Variants in ELAPOR2 observed in about 807,000 individuals in gnomAD.
ELAPOR2 encodes the protein endosome-lysosome associated apoptosis and autophagy regulator family member 2.
A neutral mutation model predicts 120.7 loss-of-function variants in ELAPOR2; 89 were observed. That is an observed-to-expected ratio of 0.74 (90% CI 0.62 to 0.88). ELAPOR2 has a LOEUF of 0.88. Ranked by LOEUF, ELAPOR2 falls within the 40% of genes least tolerant of loss-of-function variation. The probability of loss-of-function intolerance (pLI) is 0.00; values close to 1 mark genes in which losing one functional copy is unlikely to be tolerated. For synonymous variants in ELAPOR2, 444 were observed against 444.9 expected, an observed-to-expected ratio of 1.00 and a Z score of 0.03; for missense variants, 1,134 against 1,251.6, an observed-to-expected ratio of 0.91 and a Z score of 1.42.
intron 8 of ELAPOR2, among the ~76,000 whole-genome samples, chr7:86,937,696 C>A (rs2116316403): frequency 6.6e-6 from 1 of 152,160 alleles, no homozygotes; most frequent in East Asian, 1.9e-4. Flanking sequence ...AAGAACTTTC[C>A]ATCCTGTGAG....
chr7:86,983,263 T>G (rs1039199042), intron 1 of ELAPOR2, among the ~76,000 whole-genome samples: 7 of 152,158 alleles, frequency 4.6e-5, no homozygotes, highest in East Asian at 1.9e-4. Flanking sequence ...AAAACACTCT[T>G]CAGGATATTA....
intron 2 of ELAPOR2, among the ~76,000 whole-genome samples, chr7:86,964,640 C>T (rs1488978109): frequency 1.3e-5 from 2 of 151,948 alleles, no homozygotes; most frequent in African/African-American, 2.4e-5. Context: ...GAAACTTTGC[C>T]ACTCTGCCCT....
rs772878017 is a variant in ELAPOR2 at position 86,905,122 on chromosome 7, GGAAGGAAA to G, written c.2558+2540_2558+2547del. ...AGGAAGGAAGGAAGGAAGGAAGGAA[GGAAGGAAA>G]GAAAGAAAAGAAAAGAAAGAAGAGA... On this transcript the variant is annotated intron_variant, in intron 18 of 21. Transcript: ENST00000450689. 6.2e-4 allele frequency among the ~76,000 whole-genome samples: 71 copies of G among 115,360 alleles called. 1 individual carries two copies. Among genetic ancestry groups the G allele is most frequent in the Middle Eastern group, 0.01 (2 of 198 alleles). 75.7% of individuals were successfully genotyped at this position (115,360 alleles called of 152,430 possible). A position where few individuals can be genotyped will look rare whatever the true frequency, so the allele number is the denominator to read the frequency against.
chr7:86,883,097 T>C (rs2115735076), intron 21 of ELAPOR2, among the ~76,000 whole-genome samples: 1 of 151,956 alleles, frequency 6.6e-6, no homozygotes, highest in South Asian at 2.1e-4. Flanking sequence ...TTCTAGTTGG[T>C]GTCTGAGTTG....
intron 1 of ELAPOR2, among the ~76,000 whole-genome samples, chr7:87,010,141 A>G (rs1793608683): frequency 6.6e-6 from 1 of 152,226 alleles, no homozygotes; most frequent in Non-Finnish European, 1.5e-5. Context: ...GCTTCAGTCT[A>G]CAACTGATTA....
At chr7:86,989,984 A>G (rs1420774306) in intron 1 of ELAPOR2, among the ~76,000 whole-genome samples, 1 of 152,054 alleles carries the variant, frequency 6.6e-6, no homozygotes, top group Non-Finnish European at 1.5e-5. Context: ...CCACTGTGAC[A>G]GTATTGAGAG....
intron 1 of ELAPOR2, among the ~76,000 whole-genome samples, chr7:87,034,211 GTGTAGCAGCTTGGATTCACAAGT>G (rs1794510163): frequency 6.6e-6 from 1 of 152,112 alleles, no homozygotes; most frequent in African/African-American, 2.4e-5. Flanking sequence ...ATGGGCCCTG[GTGTAGCAGCTTGGATTCACAAGT>G]AACTTAAACA....
intron 1 of ELAPOR2, among the ~76,000 whole-genome samples, chr7:87,043,283 C>G (rs1215111625): frequency 6.6e-6 from 1 of 151,478 alleles, no homozygotes; most frequent in Admixed American, 6.6e-5. Context: ...CATTCTGATA[C>G]CAAAGTCAGG....
intron 1 of ELAPOR2, among the ~76,000 whole-genome samples, chr7:87,038,669 C>T (rs190839692): frequency 2.6e-5 from 4 of 152,040 alleles, no homozygotes; most frequent in Non-Finnish European, 5.9e-5. Flanking sequence ...GAAAATTAAA[C>T]AATATGCTCC....
chr7:86,994,511 T>A (rs1793059185), intron 1 of ELAPOR2, among the ~76,000 whole-genome samples: 1 of 152,198 alleles, frequency 6.6e-6, no homozygotes, highest in Admixed American at 6.5e-5. Context: ...TTTTAAAAAC[T>A]GAGTTGGTTA....
chr7:86,932,210 G>T (rs1337385022), intron 8 of ELAPOR2, among the ~76,000 whole-genome samples: 1 of 151,934 alleles, frequency 6.6e-6, no homozygotes, highest in Admixed American at 6.6e-5. Context: ...ACACCGGAAA[G>T]GGCTTGCCTG....
chr7:87,023,092 G>T (rs998582065), intron 1 of ELAPOR2, among the ~76,000 whole-genome samples: 15 of 152,094 alleles, frequency 9.9e-5, no homozygotes, highest in Middle Eastern at 6.8e-3. Flanking sequence ...GTCAATTTTG[G>T]CTTTTGTTGC....
intron 18 of ELAPOR2, among the ~76,000 whole-genome samples, chr7:86,897,930 T>C (rs941655286): frequency 2.3e-4 from 35 of 152,200 alleles, no homozygotes; most frequent in Non-Finnish European, 1.5e-4. Flanking sequence ...TTGAAAAGTT[T>C]AGCAGTTCCT....
At chr7:87,024,529 T>G (rs947262106) in intron 1 of ELAPOR2, among the ~76,000 whole-genome samples, 3 of 152,156 alleles carry the variant, frequency 2.0e-5, no homozygotes, top group African/African-American at 7.2e-5. Flanking sequence ...AATTCTCTTT[T>G]TTTGTTGTCT....
chr7:86,940,432 G>A (rs1042151579), intron 5 of ELAPOR2, among the ~76,000 whole-genome samples: 1 of 152,052 alleles, frequency 6.6e-6, no homozygotes, highest in Non-Finnish European at 1.5e-5. Context: ...ATCCATTTTA[G>A]AGGGTGAAAG....
chr7:86,895,257 C>T (rs145118598), intron 19 of ELAPOR2, among the ~76,000 whole-genome samples: 7 of 152,122 alleles, frequency 4.6e-5, no homozygotes, highest in Admixed American at 1.3e-4. Context: ...ATGAAGCTCA[C>T]GGAGGAGTTG....
At chr7:86,931,937 T>C (rs1790346318) in intron 8 of ELAPOR2, among the ~76,000 whole-genome samples, 2 of 152,058 alleles carry the variant, frequency 1.3e-5, no homozygotes, top group Admixed American at 1.3e-4. Flanking sequence ...TAACCATCTT[T>C]TTCTCTTTGG....
chr7:87,023,930 T>G (rs1004004595), intron 1 of ELAPOR2, among the ~76,000 whole-genome samples: 1 of 152,352 alleles, frequency 6.6e-6, no homozygotes, highest in Non-Finnish European at 1.5e-5. Flanking sequence ...CCTGAGACTT[T>G]GCTGAAGTTG....
intron 1 of ELAPOR2, among the ~76,000 whole-genome samples, chr7:87,052,142 C>T (rs1795119783): frequency 6.6e-6 from 1 of 152,186 alleles, no homozygotes; most frequent in Non-Finnish European, 1.5e-5. Flanking sequence ...GGCAACTAAA[C>T]TGTATTCCTG....
Sources: allele counts gnomAD v4.1 joint callset (sites outside exome capture counted in the v4.1 genomes callset), GRCh38; gene constraint gnomAD v4.1.1; transcripts MANE v1.5; gene names NCBI Gene and HGNC (gene_info 2026-07-23, HGNC 2026-07-21).